Variants in FKBP5 observed in about 807,000 individuals in gnomAD.
FKBP5 encodes the protein FKBP prolyl isomerase 5, also known as peptidyl-prolyl cis-trans isomerase FKBP5.
A neutral mutation model predicts 50.5 loss-of-function variants in FKBP5; 23 were observed. The observed-to-expected ratio is 0.46, with a 90% CI of 0.33 to 0.65. FKBP5 has a LOEUF of 0.65. FKBP5 is among the 30% of genes least tolerant of loss of function. The pLI is 0.02. For missense variants in FKBP5, 411 were observed against 553.1 expected, an observed-to-expected ratio of 0.74 and a Z score of 2.58; for synonymous variants, 176 against 190.6, an observed-to-expected ratio of 0.92 and a Z score of 0.63.
At chr6:35,713,884 C>A (rs1298020031) in intron 2 of FKBP5, among the ~76,000 whole-genome samples, 1 of 152,106 alleles carries the variant, frequency 6.6e-6, no homozygotes, top group Non-Finnish European at 1.5e-5. Context: ...CTGCCCTTCT[C>A]CCTTCCCTCT....
chr6:35,634,842 C>T (rs12055473), intron 3 of FKBP5, among the ~76,000 whole-genome samples: 1 of 152,014 alleles, frequency 6.6e-6, no homozygotes, highest in Non-Finnish European at 1.5e-5. Flanking sequence ...GATGTATGGG[C>T]TATTATTCCT....
chr6:35,635,507 T>A (rs774113206), intron 3 of FKBP5, among the ~76,000 whole-genome samples: 6 of 152,016 alleles, frequency 3.9e-5, no homozygotes, highest in Non-Finnish European at 7.4e-5. Flanking sequence ...TACTTGAAAA[T>A]AGTAGTTCTC....
intron 8 of FKBP5, chr6:35,582,426 T>C (rs73746490): frequency 0.041 from 19,391 of 478,712 alleles, 1,051 homozygotes; most frequent in African/African-American, 0.2. Flanking sequence ...TGGGGCCTCA[T>C]GATGGGATTA....
At chr6:35,615,480 G>C (rs1169521157) in intron 5 of FKBP5, among the ~76,000 whole-genome samples, 2 of 152,016 alleles carry the variant, frequency 1.3e-5, no homozygotes, top group South Asian at 4.1e-4. Flanking sequence ...ATATTGAAAG[G>C]ACACAAAAAC....
At chr6:35,586,847 CT>C (rs112376611) in intron 8 of FKBP5, 186 bp downstream of exon 8, 24,870 of 1,029,880 alleles carry the variant, frequency 0.024, 8 homozygotes, top group South Asian at 0.033. Context: ...GGAATCTGTA[CT>C]TTTTTTTTTT....
At chr6:35,712,084 C>T (rs965189208) in intron 2 of FKBP5, among the ~76,000 whole-genome samples, 11 of 150,838 alleles carry the variant, frequency 7.3e-5, no homozygotes, top group African/African-American at 1.2e-4. Flanking sequence ...GTCCCTATGT[C>T]GCCCAGGCTG....
intron 3 of FKBP5, among the ~76,000 whole-genome samples, chr6:35,625,302 C>T (rs1763960966): frequency 6.6e-6 from 1 of 152,086 alleles, no homozygotes; most frequent in African/African-American, 2.4e-5. Flanking sequence ...TCAGGCTGGT[C>T]TCAAACTCCT....
At chr6:35,591,910 T>C (rs567904385) in intron 6 of FKBP5, among the ~76,000 whole-genome samples, 5 of 152,238 alleles carry the variant, frequency 3.3e-5, no homozygotes, top group Non-Finnish European at 7.3e-5. Context: ...TAGGATTCTA[T>C]ACCTTTTAGC....
intron 5 of FKBP5, among the ~76,000 whole-genome samples, chr6:35,609,758 C>T (rs1335311744): frequency 6.6e-6 from 1 of 152,164 alleles, no homozygotes; most frequent in Non-Finnish European, 1.5e-5. Flanking sequence ...CCATTTTGCT[C>T]TTCAACCCTT....
At chr6:35,627,024 C>G (rs1056410934) in intron 3 of FKBP5, among the ~76,000 whole-genome samples, 8 of 152,128 alleles carry the variant, frequency 5.3e-5, no homozygotes, top group African/African-American at 1.9e-4. Flanking sequence ...AACATGGTAA[C>G]TCTATTTTTA....
intron 3 of FKBP5, among the ~76,000 whole-genome samples, chr6:35,622,330 G>T (rs1289737733): frequency 6.6e-6 from 1 of 152,004 alleles, no homozygotes; most frequent in Non-Finnish European, 1.5e-5. Flanking sequence ...GGGCAACATA[G>T]TGAAACTCCA....
At chr6:35,723,626 TAAAC>T (rs1766651374) in intron 1 of FKBP5, among the ~76,000 whole-genome samples, 1 of 152,104 alleles carries the variant, frequency 6.6e-6, no homozygotes, top group Non-Finnish European at 1.5e-5. Context: ...GAAGGAAAGA[TAAAC>T]AAAGAAGAAT....
chr6:35,668,897 C>A (rs1354039766), intron 1 of FKBP5, among the ~76,000 whole-genome samples: 1 of 152,026 alleles, frequency 6.6e-6, no homozygotes, highest in African/African-American at 2.4e-5. Context: ...AAATGCAGCT[C>A]AACCAAGCAT....
intron 3 of FKBP5, among the ~76,000 whole-genome samples, chr6:35,630,469 C>G (rs1764122194): frequency 6.6e-6 from 1 of 152,130 alleles, no homozygotes. Context: ...ATCACTTGAA[C>G]CCGGGAGGCA....
rs116569801 is a variant in FKBP5, at chr6:35,651,389, G to A, written c.-19-8546C>T. On this transcript the variant is annotated intron_variant, in intron 1 of 10. Coordinates refer to ENST00000357266, the MANE Select transcript of FKBP5 (RefSeq NM_004117.4). ...TTATTCTTTCTCTTCAATTTAATTC[G>A]AACATTTCAGATTGCTTTTTATGGA... is the stretch of plus-strand genomic sequence containing the variant. Among the ~76,000 whole-genome samples the A allele has an allele frequency of 3.1e-3, 469 of 151,998 alleles. 1 individual carries two copies. Among genetic ancestry groups the A allele is most frequent in the African/African-American group, 0.011 (441 of 41,454 alleles).
chr6:35,718,058 C>T (rs1386340790), intron 2 of FKBP5, among the ~76,000 whole-genome samples: 4 of 152,206 alleles, frequency 2.6e-5, no homozygotes, highest in African/African-American at 4.8e-5. Context: ...ATGGAGGCAG[C>T]TCTGTCTCTG....
intron 2 of FKBP5, among the ~76,000 whole-genome samples, chr6:35,702,602 G>A (rs879739802): frequency 2.6e-5 from 4 of 151,800 alleles, no homozygotes; most frequent in Non-Finnish European, 4.4e-5. Flanking sequence ...ACAGGCGCCC[G>A]CCACCACGCC....
intron 8 of FKBP5, chr6:35,584,440 C>G (rs1178302007): frequency 1.0e-6 from 1 of 985,346 alleles, no homozygotes; most frequent in Non-Finnish European, 1.2e-6. Flanking sequence ...TTCAGCCCAT[C>G]TCTGCTCTCA....
chr6:35,592,099 T>C (rs542829371), intron 6 of FKBP5, among the ~76,000 whole-genome samples: 1 of 152,232 alleles, frequency 6.6e-6, no homozygotes, highest in Non-Finnish European at 1.5e-5. Flanking sequence ...CCCAGCATAT[T>C]AGTCAAGTGT....
Sources: allele counts gnomAD v4.1 joint callset (sites outside exome capture counted in the v4.1 genomes callset), GRCh38; gene constraint gnomAD v4.1.1; transcripts MANE v1.5; gene names NCBI Gene and HGNC (gene_info 2026-07-23, HGNC 2026-07-21).